Variants in DENND1C observed in about 807,000 individuals in gnomAD.
DENND1C encodes the protein DENN domain containing 1C, also known as DENN domain-containing protein 1C.
DENND1C carries 64 observed loss-of-function variants against 87.9 expected under a neutral mutation model. That is an observed-to-expected ratio of 0.73 (90% CI 0.60 to 0.90). The LOEUF (loss-of-function observed/expected upper bound fraction) is 0.90, where lower values mean the gene tolerates loss of function less well. Among genes scored for constraint, DENND1C ranks in the 40% least tolerant of loss-of-function variants. The pLI, the probability that DENND1C is intolerant of heterozygous loss-of-function variation, is 0.00. For missense variants in DENND1C, 980 were observed against 1,037.0 expected, an observed-to-expected ratio of 0.95 and a Z score of 0.76; for synonymous variants, 384 against 424.4, an observed-to-expected ratio of 0.90 and a Z score of 1.17.
intron 15 of DENND1C, among the ~76,000 whole-genome samples, chr19:6,472,171 C>G (rs1187002283): frequency 1.3e-5 from 2 of 149,052 alleles, no homozygotes; most frequent in African/African-American, 2.5e-5. Context: ...GCCCTATGTG[C>G]CACCCCGCCC....
intron 17 of DENND1C, 90 bp from the exon 18 acceptor site, chr19:6,470,456 CCTCT>C: frequency 7.7e-7 from 1 of 1,303,018 alleles, no homozygotes; most frequent in Non-Finnish European, 1.1e-6. Context: ...AGCCCCTTTC[CCTCT>C]CTGAGTCTCC....
chr19:6,475,680 C>T (rs771960483), intron 12 of DENND1C, 26 bp downstream of exon 12: 2 of 1,606,048 alleles, frequency 1.2e-6, no homozygotes. Context: ...CTCACGTCCC[C>T]GTCGTCTGGG....
intron 10 of DENND1C, 78 bp from the exon 11 acceptor site, chr19:6,476,015 TC>T: frequency 7.9e-7 from 1 of 1,269,632 alleles, no homozygotes; most frequent in Non-Finnish European, 1.1e-6. Context: ...ATTTCCCACG[TC>T]CCCAGTCTCC....
chr19:6,473,636 A>G (rs1237788380), intron 14 of DENND1C, among the ~76,000 whole-genome samples: 1 of 151,302 alleles, frequency 6.6e-6, no homozygotes, highest in East Asian at 1.9e-4. Context: ...GCGCCCAGCT[A>G]ATTTTTGTAG....
intron 6 of DENND1C, 78 bp from the exon 7 acceptor site, chr19:6,477,536 G>T: frequency 7.2e-7 from 1 of 1,392,364 alleles, no homozygotes; most frequent in South Asian, 1.2e-5. Flanking sequence ...GACTAAGGTT[G>T]AGTGGTCTGG....
chr19:6,470,138 T>G, intron 18 of DENND1C, 157 bp downstream of exon 18: 1 of 674,732 alleles, frequency 1.5e-6, no homozygotes, highest in South Asian at 2.2e-5. Context: ...GGGGGAAGAG[T>G]TGTTAATGGT....
intron 18 of DENND1C, 112 bp from the exon 19 acceptor site, chr19:6,469,752 A>G (rs1023050079): frequency 2.4e-5 from 27 of 1,130,726 alleles, no homozygotes; most frequent in Non-Finnish European, 3.2e-5. Context: ...GCATGTCTCA[A>G]ATACGTTCAC....
In DENND1C at chr19:6,475,548, A is replaced by G; in HGVS notation, c.863T>C (p.Leu288Pro). 1 of 1,614,002 alleles carries G rather than the reference A, an allele frequency of 6.2e-7. No homozygotes were observed. Among genetic ancestry groups the G allele is most frequent in the Non-Finnish European group, 8.5e-7 (1 of 1,179,874 alleles). ...REKALEDVVV[L>P]NVDANTLETT... The stretch of plus-strand genomic sequence containing the variant: ...CTCCAAGGTATTGGCGTCCACGTTC[A>G]GCACCACGACGTCCTCCAGGGCTTT... The change falls in exon 13 of 23, where the codon CTG (leucine) becomes CCG (proline). Residue 288 changes from leucine to proline, a missense_variant. Leu to Pro is a moderately conservative substitution (Grantham distance 98). Transcript: ENST00000381480.
At chr19:6,471,844 T>C (rs1162004331) in intron 15 of DENND1C, among the ~76,000 whole-genome samples, 2 of 152,154 alleles carry the variant, frequency 1.3e-5, no homozygotes, top group Non-Finnish European at 2.9e-5. Context: ...GGTTTCCCCA[T>C]GTTGGCCAGG....
Position 6,468,353 on chromosome 19 carries a change from C to A in DENND1C, c.1672G>T (p.Asp558Tyr), listed in dbSNP as rs2092807832. The A allele has an allele frequency of 3.7e-6, 6 of 1,613,856 alleles. No homozygotes were observed. The highest frequency in any genetic ancestry group is 5.1e-6 in the Non-Finnish European group (6 of 1,179,802). Reference sequence around the variant, plus strand: ...CTGTCCAGAATCTCGCTCAACAAATCCAGTTCTTCTCCAGACCCCAAGAAG... The same window carrying A: ...CTGTCCAGAATCTCGCTCAACAAATACAGTTCTTCTCCAGACCCCAAGAAG... ...SSFLGSGEELDLLSEILDSLS... is the reference protein window; with the variant it reads ...SSFLGSGEELYLLSEILDSLS... Residue 558 changes from aspartate (D) to tyrosine (Y), a missense_variant, in exon 22 of 23, where the codon GAT (aspartate) becomes TAT (tyrosine). Coordinates refer to ENST00000381480, the MANE Select transcript of DENND1C (RefSeq NM_024898.4).
rs201079481 is a variant in DENND1C, at chr19:6,477,270, G to A, written c.461C>T (p.Thr154Met). 6 of 1,587,334 alleles carry A rather than the reference G, an allele frequency of 3.8e-6. No homozygotes were observed. The highest frequency in any genetic ancestry group is 5.2e-6 in the Non-Finnish European group (6 of 1,163,928). ...GGGGATACCCTGCCCGCTGGAGACC[G>A]TCACTCCGCTGCCCTGGGGAAGAGG... Reference protein sequence around the residue: ...SVGLELGSGVTVSSGQGIPPP... With the variant: ...SVGLELGSGVMVSSGQGIPPP... Residue 154 changes from threonine to methionine, a missense_variant, in exon 8 of 23, where the codon ACG becomes ATG. Transcript: ENST00000381480.
chr19:6,475,430 C>G, intron 13 of DENND1C, 31 bp from the exon 14 acceptor site: 1 of 1,612,394 alleles, frequency 6.2e-7, no homozygotes, highest in African/African-American at 1.3e-5. Flanking sequence ...CCTGAGTGGG[C>G]AGGTGTGGGC....
chr19:6,476,990 G>A lies in DENND1C; in HGVS notation c.568-23C>T, dbSNP rs200458346. The A allele has an allele frequency of 8.8e-4, 1,420 of 1,613,584 alleles. 18 individuals are homozygous for A. In the South Asian group the frequency reaches 0.011, roughly 12 times the overall value. On this transcript the variant is annotated intron_variant, in intron 9 of 22. Transcript: ENST00000381480. ...CCTCTGAGGATCAGAGAGTCGCTCT[G>A]GGCGTGGACGGGCCCCTGGATCTTG...
In DENND1C at chr19:6,481,706, G is replaced by A. The variant is rs1480419481; in HGVS notation, c.-11C>T. On this transcript the variant is annotated 5_prime_UTR_variant, in exon 1 of 23. Coordinates refer to ENST00000381480, the MANE Select transcript of DENND1C (RefSeq NM_024898.4). ...AGCTCTGGATTCCATGGTCCCTGCA[G>A]GGCCAGCCCAGCGGGGCCCTCTCCC... is the stretch of plus-strand genomic sequence containing the variant. The A allele has an allele frequency of 6.3e-7, 1 of 1,582,548 alleles. No individual in the cohort carries two copies. Among genetic ancestry groups the A allele is most frequent in the Admixed American group, 1.8e-5 (1 of 54,228 alleles).
At chr19:6,472,328 C>T (rs2092834228) in intron 15 of DENND1C, among the ~76,000 whole-genome samples, 1 of 152,206 alleles carries the variant, frequency 6.6e-6, no homozygotes, top group African/African-American at 2.4e-5. Context: ...TGATTTCCCT[C>T]AGGGACCTAG....
In DENND1C at chr19:6,467,475, G is replaced by A. The variant is rs1250260868; in HGVS notation, c.*29C>T. 6.6e-7 allele frequency: 1 copy of A among 1,509,752 alleles called. No homozygotes were observed. Among genetic ancestry groups the A allele is most frequent in the East Asian group, 2.4e-5 (1 of 41,024 alleles). 93.5% of individuals were successfully genotyped at this position (1,509,752 alleles called of 1,614,324 possible). On this transcript the variant is annotated 3_prime_UTR_variant, in exon 23 of 23. Coordinates refer to ENST00000381480, the MANE Select transcript of DENND1C (RefSeq NM_024898.4). ...TTGGGCTCTTGTGGCTTTATTGAGG[G>A]ACTGGGGTCTCTCTTGGACCCCTGA...
chr19:6,467,445 C>T lies in DENND1C; in HGVS notation c.*59G>A. ...AGAAATTCACCAGGAAAAAAACCAG[C>T]TTTTTTGGGCTCTTGTGGCTTTATT... On this transcript the variant is annotated 3_prime_UTR_variant, in exon 23 of 23. Coordinates refer to ENST00000381480, the MANE Select transcript of DENND1C (RefSeq NM_024898.4). 1.4e-6 allele frequency: 2 copies of T among 1,460,324 alleles called. No homozygotes were observed. The highest frequency in any genetic ancestry group is 1.8e-6 in the Non-Finnish European group (2 of 1,104,894). 90.5% of individuals were successfully genotyped at this position (1,460,324 alleles called of 1,614,324 possible). A position where few individuals can be genotyped will look rare whatever the true frequency, so the allele number is the denominator to read the frequency against.
In DENND1C at chr19:6,472,953, T is replaced by C. The variant is rs757149712; in HGVS notation, c.1094A>G (p.Gln365Arg). The C allele has an allele frequency of 3.1e-6, 5 of 1,589,318 alleles. No individual in the cohort carries two copies. In the East Asian group the frequency reaches 1.1e-4, roughly 36 times the overall value. ...GGCCTGCAGAGGTGCCCCAGGCTTC[T>C]GGGCCAAGAAGACTTCCTCACTGAA... ...VTFSEEVFLA[Q>R]KPGAPLQAFH... Residue 365 changes from glutamine (Q) to arginine (R), a missense_variant, in exon 15 of 23, where the codon CAG becomes CGG. Physicochemically the swap from Gln to Arg is conservative, Grantham distance 43. Transcript: ENST00000381480.
Position 6,476,233 on chromosome 19 carries a change from T to G in DENND1C, c.679-296A>C, listed in dbSNP as rs553001403. The stretch of plus-strand genomic sequence containing the variant: ...ATGCAGGTAGAGCAAGGACTGAGCC[T>G]CCACTGACTCCACCCCGAAAGAGGT... On this transcript the variant is annotated intron_variant, in intron 10 of 22. Coordinates refer to ENST00000381480, the MANE Select transcript of DENND1C (RefSeq NM_024898.4). 2.3e-5 allele frequency: 9 copies of G among 392,074 alleles called. No individual in the cohort carries two copies. The East Asian group carries it at 2.9e-4, about 13-fold the overall frequency. The allele number at this position is 392,074 out of a possible 1,614,324, so 24.3% of individuals were successfully genotyped here.
Sources: allele counts gnomAD v4.1 joint callset (sites outside exome capture counted in the v4.1 genomes callset), GRCh38; gene constraint gnomAD v4.1.1; transcripts MANE v1.5; gene names NCBI Gene and HGNC (gene_info 2026-07-23, HGNC 2026-07-21).